Variants in MYO16 observed in about 807,000 individuals in gnomAD.
The protein encoded by MYO16 is unconventional myosin-XVI.
In MYO16, 94 loss-of-function variants were observed where a neutral mutation model predicts 205.3. That is an observed-to-expected ratio of 0.46 (90% CI 0.39 to 0.54). The LOEUF (loss-of-function observed/expected upper bound fraction) is 0.54, where lower values mean the gene tolerates loss of function less well. MYO16 is among the 20% of genes least tolerant of loss of function. MYO16 has a pLI of 0.00. For synonymous variants in MYO16, 988 were observed against 954.0 expected (o/e 1.04, Z -0.66); for missense variants, 2,315 against 2,387.5 (o/e 0.97, Z 0.63).
chr13:108,754,895 C>T (rs1332207990), intron 4 of MYO16, among the ~76,000 whole-genome samples: 1 of 152,086 alleles, frequency 6.6e-6, no homozygotes, highest in Non-Finnish European at 1.5e-5. Flanking sequence ...AAGAACATTC[C>T]TGTGTTAGGA....
At chr13:108,921,933 A>T (rs140330228) in intron 16 of MYO16, among the ~76,000 whole-genome samples, 83 of 152,294 alleles carry the variant, frequency 5.4e-4, no homozygotes, top group Non-Finnish European at 8.2e-4. Context: ...TATTGTCACT[A>T]TTAGTGTAGA....
intron 16 of MYO16, among the ~76,000 whole-genome samples, chr13:108,953,370 G>A (rs1011768436): frequency 1.3e-5 from 2 of 152,162 alleles, no homozygotes; most frequent in African/African-American, 4.8e-5. Flanking sequence ...TGCCTGCATA[G>A]GCAAGATGTA....
At chr13:108,955,849 T>TCAAAA (rs764224994) in intron 16 of MYO16, among the ~76,000 whole-genome samples, 50 of 152,206 alleles carry the variant, frequency 3.3e-4, no homozygotes, top group South Asian at 4.2e-4. Context: ...AGATTCTATC[T>TCAAAA]CAAAACAAAA....
At chr13:108,603,029 G>T (rs2139302799) in intron 1 of MYO16, among the ~76,000 whole-genome samples, 1 of 152,296 alleles carries the variant, frequency 6.6e-6, no homozygotes, top group Admixed American at 6.5e-5. Flanking sequence ...CTATTGAAAA[G>T]TATGTAATAA....
chr13:108,839,634 A>T (rs551653823), intron 9 of MYO16, among the ~76,000 whole-genome samples: 1 of 152,304 alleles, frequency 6.6e-6, no homozygotes, highest in Admixed American at 6.5e-5. Flanking sequence ...CTTGCTCAAA[A>T]GATACTTGAT....
At chr13:108,911,987 GGGA>G (rs1012208395) in intron 16 of MYO16, among the ~76,000 whole-genome samples, 1 of 152,292 alleles carries the variant, frequency 6.6e-6, no homozygotes, top group Admixed American at 6.5e-5. Flanking sequence ...CAGGGTGCTG[GGGA>G]GGAGAAGAGT....
chr13:108,749,979 C>T (rs1189970178), intron 4 of MYO16, among the ~76,000 whole-genome samples: 1 of 152,170 alleles, frequency 6.6e-6, no homozygotes, highest in Admixed American at 6.5e-5. Flanking sequence ...CATGAGCAGA[C>T]ATGGATAGAT....
intron 34 of MYO16, among the ~76,000 whole-genome samples, chr13:109,200,884 G>A (rs1880366149): frequency 6.6e-6 from 1 of 152,080 alleles, no homozygotes; most frequent in African/African-American, 2.4e-5. Flanking sequence ...GCTGAAAAGA[G>A]TTTAGGATTT....
chr13:108,588,846 G>T, the MYO16 span, among the ~76,000 whole-genome samples: 1 of 152,118 alleles, frequency 6.6e-6, no homozygotes, highest in East Asian at 1.9e-4. Flanking sequence ...ACGATGGGCA[G>T]GTAACCTGAG....
intron 25 of MYO16, among the ~76,000 whole-genome samples, chr13:109,052,930 T>C (rs573001016): frequency 6.6e-6 from 1 of 152,264 alleles, no homozygotes; most frequent in Admixed American, 6.5e-5. Flanking sequence ...TGCATGTTTG[T>C]AGATGTTTAA....
chr13:108,681,208 T>C (rs1196162876), intron 2 of MYO16, among the ~76,000 whole-genome samples: 2 of 152,366 alleles, frequency 1.3e-5, no homozygotes, highest in East Asian at 3.9e-4. Context: ...GCTATTTTTT[T>C]CTAGAAACTT....
At chr13:109,153,942 T>G (rs1360487283) in intron 32 of MYO16, among the ~76,000 whole-genome samples, 1 of 152,164 alleles carries the variant, frequency 6.6e-6, no homozygotes, top group Non-Finnish European at 1.5e-5. Context: ...CAGTCATTTG[T>G]CCTTCCTGAG....
chr13:108,548,728 A>T, the MYO16 span, among the ~76,000 whole-genome samples: 6 of 152,016 alleles, frequency 3.9e-5, no homozygotes, highest in Non-Finnish European at 8.8e-5. Flanking sequence ...ATGATTATAG[A>T]TATATCAATA....
chr13:109,164,779 A>G (rs496081), intron 32 of MYO16, 122 bp from the exon 33 acceptor site: 10 of 549,578 alleles, frequency 1.8e-5, no homozygotes, highest in African/African-American at 1.6e-4. Flanking sequence ...ATTAAAGATT[A>G]TTATTATTTT....
At chr13:108,578,972 G>A in the MYO16 span, among the ~76,000 whole-genome samples, 2 of 151,008 alleles carry the variant, frequency 1.3e-5, no homozygotes, top group African/African-American at 4.9e-5. Flanking sequence ...TTATATGCGA[G>A]CGTCAGAACA....
At chr13:109,028,934 T>C (rs1886455964) in intron 23 of MYO16, among the ~76,000 whole-genome samples, 1 of 151,848 alleles carries the variant, frequency 6.6e-6, no homozygotes, top group Non-Finnish European at 1.5e-5. Context: ...TGTTTAAAAA[T>C]AGCGTATCTC....
chr13:108,609,114 G>T (rs918325754), intron 1 of MYO16, among the ~76,000 whole-genome samples: 2 of 152,048 alleles, frequency 1.3e-5, no homozygotes, highest in Non-Finnish European at 2.9e-5. Context: ...CTCACTGGCC[G>T]ACAACTCAAG....
rs769630445 is a variant in MYO16 at position 108,893,258 on chromosome 13, CTT to C, written c.1660-4756_1660-4755del. 2.0e-5 allele frequency among the ~76,000 whole-genome samples: 3 copies of C among 152,110 alleles called. No individual in the cohort carries two copies. In the East Asian group the frequency reaches 5.8e-4, roughly 29 times the overall value. Reference sequence around the variant, plus strand: ...ATACATTTTTTAATTTACCATAAATCTTTATAAAATTAGAGGGTTTAGTGAAA... The same window carrying C: ...ATACATTTTTTAATTTACCATAAATCTATAAAATTAGAGGGTTTAGTGAAA... On this transcript the variant is annotated intron_variant, in intron 14 of 34. Coordinates refer to ENST00000457511, the MANE Select transcript of MYO16 (RefSeq NM_001198950.3).
intron 1 of MYO16, among the ~76,000 whole-genome samples, chr13:108,605,496 C>T (rs950670019): frequency 1.3e-5 from 2 of 152,108 alleles, no homozygotes; most frequent in South Asian, 2.1e-4. Flanking sequence ...ATCATGAGGG[C>T]GGTTCCCCCA....
Sources: gnomAD v4.1 joint callset for allele counts (sites outside exome capture counted in the v4.1 genomes callset) on GRCh38, gnomAD v4.1.1 for gene constraint, MANE v1.5 for transcripts, NCBI Gene and HGNC (gene_info 2026-07-23, HGNC 2026-07-21) for gene names.